Variants in MYL4 observed in about 807,000 individuals in gnomAD.
The protein encoded by MYL4 is myosin light chain 4.
A neutral mutation model predicts 21.6 loss-of-function variants in MYL4; 16 were observed. That is an observed-to-expected ratio of 0.74 (90% CI 0.50 to 1.12). MYL4 has a LOEUF of 1.12. Among genes scored for constraint, MYL4 ranks in the 50% most tolerant of loss-of-function variants. The pLI, the probability that MYL4 is intolerant of heterozygous loss-of-function variation, is 0.00. For missense variants in MYL4, 249 were observed against 252.9 expected, an observed-to-expected ratio of 0.98 and a Z score of 0.11; for synonymous variants, 82 against 95.7, an observed-to-expected ratio of 0.86 and a Z score of 0.83.
chr17:47,223,361 C>CA (rs2149049769), intron 6 of MYL4, 148 bp from the exon 7 acceptor site: 2 of 364,914 alleles, frequency 5.5e-6, no homozygotes, highest in East Asian at 9.3e-5. Flanking sequence ...AAGCCGATCC[C>CA]AAGTGGAAGA....
chr17:47,215,455 T>G (rs1365071932), intron 2 of MYL4, among the ~76,000 whole-genome samples: 5 of 152,222 alleles, frequency 3.3e-5, no homozygotes, highest in Non-Finnish European at 7.3e-5. Flanking sequence ...TTTCCTTTAA[T>G]TTTACCCCAG....
upstream of MYL4, among the ~76,000 whole-genome samples, chr17:47,204,161 C>T (rs146737355): frequency 2.4e-4 from 36 of 152,282 alleles, 1 homozygote; most frequent in East Asian, 5.8e-4. Flanking sequence ...GGAGTAGCAC[C>T]GTTTGTCATA....
the MYL4 span, among the ~76,000 whole-genome samples, chr17:47,194,087 A>G: frequency 7.9e-5 from 12 of 152,156 alleles, no homozygotes; most frequent in Non-Finnish European, 1.6e-4. Context: ...TCATCTACAA[A>G]TGGTTTGAAA....
rs1598654437 is a variant in MYL4 at position 47,213,842 on chromosome 17, C to A, written c.163+16C>A. ...CAGATTGAAGGTGAGTATGGACAAC[C>A]CCACCTCTCCGTCTCTATTGCACTT... On this transcript the variant is annotated intron_variant, in intron 2 of 6. Coordinates refer to ENST00000393450, the MANE Select transcript of MYL4 (RefSeq NM_002476.2). 1 of 1,613,464 alleles carries A rather than the reference C, an allele frequency of 6.2e-7. No individual in the cohort carries two copies.
chr17:47,219,254 A>C (rs1045765252), intron 2 of MYL4, among the ~76,000 whole-genome samples: 1 of 152,198 alleles, frequency 6.6e-6, no homozygotes, highest in Non-Finnish European at 1.5e-5. Flanking sequence ...GCTTCCACAC[A>C]CTGCGACCTC....
chr17:47,213,128 C>G (rs986820612), intron 1 of MYL4, among the ~76,000 whole-genome samples: 5 of 152,126 alleles, frequency 3.3e-5, no homozygotes, highest in African/African-American at 9.7e-5. Flanking sequence ...GAAGGGGCAA[C>G]AGTGAGGGCA....
At chr17:47,192,336 A>G in the MYL4 span, among the ~76,000 whole-genome samples, 1 of 149,058 alleles carries the variant, frequency 6.7e-6, no homozygotes, top group South Asian at 2.1e-4. Flanking sequence ...CCTGGGCAAC[A>G]AGAGCAAAAC....
the MYL4 span, chr17:47,189,506 G>T: frequency 2.4e-6 from 1 of 420,124 alleles, no homozygotes; most frequent in South Asian, 2.5e-5. Flanking sequence ...CTTCAGCCAC[G>T]CACACCACGC....
intron 2 of MYL4, among the ~76,000 whole-genome samples, chr17:47,217,839 G>A (rs2064826128): frequency 1.3e-5 from 2 of 152,090 alleles, no homozygotes; most frequent in East Asian, 3.9e-4. Context: ...TTCGAGACCA[G>A]CCTGACCAAC....
intron 2 of MYL4, among the ~76,000 whole-genome samples, chr17:47,214,397 A>G (rs2064799072): frequency 6.6e-6 from 1 of 152,288 alleles, no homozygotes; most frequent in African/African-American, 2.4e-5. Flanking sequence ...GAAATGTTTT[A>G]TCATGTGATG....
At chr17:47,211,305 T>C (rs942102645) in intron 1 of MYL4, among the ~76,000 whole-genome samples, 5 of 151,992 alleles carry the variant, frequency 3.3e-5, no homozygotes, top group Admixed American at 3.3e-4. Flanking sequence ...CCCAGCCCTT[T>C]GGGAGGCTGA....
upstream of MYL4, among the ~76,000 whole-genome samples, chr17:47,207,475 G>T (rs1344141653): frequency 2.6e-5 from 4 of 152,186 alleles, no homozygotes; most frequent in African/African-American, 9.7e-5. Flanking sequence ...ATGATCTGGG[G>T]CATGGAACCT....
upstream of MYL4, among the ~76,000 whole-genome samples, chr17:47,208,752 G>A (rs993900753): frequency 7.9e-5 from 12 of 152,260 alleles, no homozygotes; most frequent in African/African-American, 2.9e-4. Flanking sequence ...TGTGTGTAAG[G>A]GGGTAGATCT....
upstream of MYL4, among the ~76,000 whole-genome samples, chr17:47,197,300 G>A (rs201235410): frequency 2.0e-4 from 31 of 152,044 alleles, no homozygotes; most frequent in East Asian, 4.4e-3. Context: ...GGGTTTCACC[G>A]TGTTAGCCAG....
upstream of MYL4, among the ~76,000 whole-genome samples, chr17:47,198,836 A>G (rs964025550): frequency 1.3e-5 from 2 of 152,108 alleles, no homozygotes; most frequent in Non-Finnish European, 2.9e-5. Flanking sequence ...AATAAAAAAA[A>G]CTAGCCAGGC....
In MYL4 at chr17:47,209,580, G is replaced by A. The variant is rs775926636; in HGVS notation, c.135+23G>A. ...AAGGTAAGTGAGGCTCAGCCATTGGGATAGAGGTGGGGATGACATTGAGAG... is the reference window on the plus strand; with the variant it reads ...AAGGTAAGTGAGGCTCAGCCATTGGAATAGAGGTGGGGATGACATTGAGAG... On this transcript the variant is annotated intron_variant, in intron 1 of 6. Coordinates refer to ENST00000393450, the MANE Select transcript of MYL4 (RefSeq NM_002476.2). 5.0e-6 allele frequency: 8 copies of A among 1,614,092 alleles called. No homozygotes were observed. In the South Asian group the frequency reaches 8.8e-5, roughly 18 times the overall value.
chr17:47,214,188 T>C (rs535246911), intron 2 of MYL4, among the ~76,000 whole-genome samples: 1 of 152,336 alleles, frequency 6.6e-6, no homozygotes, highest in East Asian at 1.9e-4. Context: ...TCAACTACTC[T>C]GCCAGACTGC....
At chr17:47,200,018 G>A (rs1278638618), upstream of MYL4, among the ~76,000 whole-genome samples, 1 of 151,356 alleles carries the variant, frequency 6.6e-6, no homozygotes, top group East Asian at 1.9e-4. Flanking sequence ...TGGAATTATA[G>A]ATGTGAGCCA....
intron 2 of MYL4, among the ~76,000 whole-genome samples, chr17:47,216,039 A>G (rs937995766): frequency 1.3e-5 from 2 of 151,074 alleles, no homozygotes; most frequent in East Asian, 1.9e-4. Flanking sequence ...TTGGCCTCCC[A>G]CAGTGCTGGG....
Sources: gnomAD v4.1 joint callset for allele counts (sites outside exome capture counted in the v4.1 genomes callset) on GRCh38, gnomAD v4.1.1 for gene constraint, MANE v1.5 for transcripts, NCBI Gene and HGNC (gene_info 2026-07-23, HGNC 2026-07-21) for gene names.